Variants in TNR observed in about 807,000 individuals in gnomAD.
TNR encodes tenascin R.
A neutral mutation model predicts 150.4 loss-of-function variants in TNR; 45 were observed. The observed-to-expected ratio is 0.30, with a 90% confidence interval of 0.24 to 0.38. The LOEUF (loss-of-function observed/expected upper bound fraction) is 0.38. Among genes scored for constraint, TNR ranks in the 10% least tolerant of loss-of-function variants. The pLI, the probability that TNR is intolerant of heterozygous loss-of-function variation, is 1.00. For missense variants in TNR, 1,544 were observed against 1,759.1 expected (o/e 0.88, Z 2.19); for synonymous variants, 687 against 678.4 (o/e 1.01, Z -0.20).
intron 1 of TNR, among the ~76,000 whole-genome samples, chr1:175,665,648 T>A (rs1235178472): frequency 6.6e-6 from 1 of 152,222 alleles, no homozygotes; most frequent in Non-Finnish European, 1.5e-5. Flanking sequence ...AAATGAATAG[T>A]TGTCACTTAG....
intron 1 of TNR, among the ~76,000 whole-genome samples, chr1:175,561,002 G>A (rs775810675): frequency 1.1e-4 from 16 of 152,020 alleles, no homozygotes; most frequent in Admixed American, 2.0e-4. Flanking sequence ...CATCTTTAAC[G>A]TTGCATCTTT....
intron 1 of TNR, among the ~76,000 whole-genome samples, chr1:175,659,396 T>C (rs1032641580): frequency 2.0e-5 from 3 of 152,192 alleles, no homozygotes; most frequent in African/African-American, 7.2e-5. Flanking sequence ...AAAGACTGTG[T>C]GTGCCAGCCA....
At chr1:175,583,876 C>T (rs1283816327) in intron 1 of TNR, among the ~76,000 whole-genome samples, 4 of 152,124 alleles carry the variant, frequency 2.6e-5, no homozygotes, top group Non-Finnish European at 4.4e-5. Context: ...TAGAGAACTG[C>T]AGGATCAACC....
chr1:175,586,449 C>T (rs777339187), intron 1 of TNR, among the ~76,000 whole-genome samples: 24 of 152,220 alleles, frequency 1.6e-4, no homozygotes, highest in Admixed American at 7.8e-4. Flanking sequence ...TACAGGCATC[C>T]GCCACCATGG....
chr1:175,593,015 G>T (rs1285451612), intron 1 of TNR, among the ~76,000 whole-genome samples: 1 of 152,126 alleles, frequency 6.6e-6, no homozygotes, highest in Non-Finnish European at 1.5e-5. Flanking sequence ...CCTTGGTCAT[G>T]GGAGGAAGAA....
chr1:175,527,798 A>T (rs1022321157), intron 2 of TNR, among the ~76,000 whole-genome samples: 4 of 152,244 alleles, frequency 2.6e-5, no homozygotes, highest in African/African-American at 9.6e-5. Flanking sequence ...ATAAAATGAC[A>T]GGTTTTTCCT....
chr1:175,651,416 G>T (rs531399816), intron 1 of TNR, among the ~76,000 whole-genome samples: 1 of 151,990 alleles, frequency 6.6e-6, no homozygotes, highest in African/African-American at 2.4e-5. Context: ...AAGCATAAAG[G>T]TTTTTTGCCC....
chr1:175,680,831 G>A (rs1290876696), intron 1 of TNR, among the ~76,000 whole-genome samples: 1 of 152,172 alleles, frequency 6.6e-6, no homozygotes, highest in African/African-American at 2.4e-5. Context: ...CATTTGCCAT[G>A]GTATAAAGAA....
intron 1 of TNR, among the ~76,000 whole-genome samples, chr1:175,564,498 T>C (rs1324605233): frequency 3.3e-5 from 5 of 152,216 alleles, no homozygotes; most frequent in African/African-American, 1.2e-4. Flanking sequence ...AAATGGTACC[T>C]AGAGGCTCAG....
chr1:175,723,936 T>C (rs1348325865), intron 1 of TNR, among the ~76,000 whole-genome samples: 1 of 152,136 alleles, frequency 6.6e-6, no homozygotes, highest in Non-Finnish European at 1.5e-5. Context: ...AATTTATATA[T>C]AAAGTATATG....
chr1:175,696,744 T>C (rs1360364046), intron 1 of TNR, among the ~76,000 whole-genome samples: 1 of 152,104 alleles, frequency 6.6e-6, no homozygotes, highest in Non-Finnish European at 1.5e-5. Flanking sequence ...CCGGGTATGG[T>C]GGCACATGCC....
chr1:175,416,453 C>T (rs859470), intron 2 of TNR, among the ~76,000 whole-genome samples: 124,736 of 152,188 alleles, frequency 0.82, 51,783 homozygotes, highest in African/African-American at 0.96. Context: ...CAGAAATTCT[C>T]CTAAGCACCT....
In TNR at chr1:175,366,251, A is replaced by G. The variant is rs1238440252; in HGVS notation, c.2054-113T>C. 4.4e-6 allele frequency: 5 copies of G among 1,146,260 alleles called. No individual in the cohort carries two copies. In the African/African-American group the frequency reaches 6.3e-5, roughly 14 times the overall value. The allele number at this position is 1,146,260 out of a possible 1,614,324, so 71.0% of individuals were successfully genotyped here. A position where few individuals can be genotyped will look rare whatever the true frequency, so the allele number is the denominator to read the frequency against. ...AGCAGGCCTGCTGACTATGAGCACT[A>G]GCTTGTCATTGCTGACACTTATCTA... is the stretch of plus-strand genomic sequence containing the variant. On this transcript the variant is annotated intron_variant, in intron 10 of 22. Coordinates refer to ENST00000367674, the MANE Select transcript of TNR (RefSeq NM_003285.3).
intron 1 of TNR, among the ~76,000 whole-genome samples, chr1:175,677,875 T>G (rs1317556142): frequency 6.6e-6 from 1 of 151,968 alleles, no homozygotes; most frequent in African/African-American, 2.4e-5. Flanking sequence ...AAAGGTGTTT[T>G]TATTAAGTAG....
chr1:175,540,808 C>G (rs1308578599), intron 1 of TNR, among the ~76,000 whole-genome samples: 1 of 152,022 alleles, frequency 6.6e-6, no homozygotes, highest in Non-Finnish European at 1.5e-5. Context: ...CACTCTCAGC[C>G]CGCTTCTAAT....
intron 1 of TNR, among the ~76,000 whole-genome samples, chr1:175,692,904 C>G (rs1330981078): frequency 1.3e-5 from 2 of 152,156 alleles, no homozygotes; most frequent in African/African-American, 2.4e-5. Context: ...CCATATCAGT[C>G]CTGCTTCACA....
At chr1:175,709,617 C>A (rs1168873012) in intron 1 of TNR, among the ~76,000 whole-genome samples, 2 of 152,184 alleles carry the variant, frequency 1.3e-5, no homozygotes, top group African/African-American at 4.8e-5. Flanking sequence ...CCAGAATGCT[C>A]ATTCCCCTAA....
At chr1:175,536,059 A>T (rs1377022477) in intron 1 of TNR, among the ~76,000 whole-genome samples, 1 of 152,160 alleles carries the variant, frequency 6.6e-6, no homozygotes, top group East Asian at 1.9e-4. Flanking sequence ...TAGTTATTAG[A>T]CCTGCCAGCA....
intron 2 of TNR, among the ~76,000 whole-genome samples, chr1:175,485,012 T>G (rs1657952391): frequency 6.6e-6 from 1 of 152,170 alleles, no homozygotes. Context: ...CTCATAAAAC[T>G]AAGAAAACTG....
Sources: allele counts gnomAD v4.1 joint callset (sites outside exome capture counted in the v4.1 genomes callset), GRCh38; gene constraint gnomAD v4.1.1; transcripts MANE v1.5; gene names NCBI Gene and HGNC (gene_info 2026-07-23, HGNC 2026-07-21).